The following KCNIP1 variants were observed in gnomAD, a reference collection of about 807,000 sequenced individuals.
The protein encoded by KCNIP1 is potassium voltage-gated channel interacting protein 1.
In KCNIP1, 18 loss-of-function variants were observed where a neutral mutation model predicts 33.0. That is an observed-to-expected ratio of 0.55 (90% CI 0.38 to 0.81). The LOEUF (loss-of-function observed/expected upper bound fraction) is 0.81. Among genes scored for constraint, KCNIP1 ranks in the 30% least tolerant of loss-of-function variants. The pLI is 0.00. For missense variants in KCNIP1, 238 were observed against 271.6 expected (o/e 0.88, Z 0.87); for synonymous variants, 93 against 98.3 (o/e 0.95, Z 0.32).
intron 1 of KCNIP1, among the ~76,000 whole-genome samples, chr5:170,632,062 C>T (rs1043246937): frequency 6.6e-6 from 1 of 152,166 alleles, no homozygotes; most frequent in Non-Finnish European, 1.5e-5. Flanking sequence ...TCTGAGTCCT[C>T]GCCGGCCACA....
At chr5:170,549,304 C>A (rs1756520501) in intron 1 of KCNIP1, among the ~76,000 whole-genome samples, 1 of 152,114 alleles carries the variant, frequency 6.6e-6, no homozygotes, top group South Asian at 2.1e-4. Flanking sequence ...GAGAAAACCT[C>A]CTTCGTTTTT....
At chr5:170,401,828 C>T (rs551111907) in intron 1 of KCNIP1, among the ~76,000 whole-genome samples, 1 of 152,012 alleles carries the variant, frequency 6.6e-6, no homozygotes, top group South Asian at 2.1e-4. Flanking sequence ...CTAGGCCTGG[C>T]ACATGGCTCC....
chr5:170,530,486 G>A (rs983710167), intron 1 of KCNIP1, among the ~76,000 whole-genome samples: 2 of 152,190 alleles, frequency 1.3e-5, no homozygotes, highest in Admixed American at 1.3e-4. Context: ...CAAGGATGGG[G>A]CCCTCTGGCC....
At chr5:170,512,551 T>G (rs1754976000) in intron 1 of KCNIP1, among the ~76,000 whole-genome samples, 1 of 152,260 alleles carries the variant, frequency 6.6e-6, no homozygotes. Context: ...CTGTGAACTT[T>G]CATCTCTACA....
At chr5:170,538,835 C>T (rs901108112) in intron 1 of KCNIP1, among the ~76,000 whole-genome samples, 3 of 151,242 alleles carry the variant, frequency 2.0e-5, no homozygotes, top group Non-Finnish European at 4.4e-5. Flanking sequence ...GGCCTGTGTG[C>T]CTGCAGTCAT....
chr5:170,648,492 C>T (rs187424500), intron 1 of KCNIP1, among the ~76,000 whole-genome samples: 2 of 152,220 alleles, frequency 1.3e-5, no homozygotes, highest in Admixed American at 1.3e-4. Flanking sequence ...CATGGAGGAA[C>T]CGTAAGTGCA....
intron 1 of KCNIP1, among the ~76,000 whole-genome samples, chr5:170,707,074 C>T (rs938224663): frequency 9.2e-5 from 14 of 151,578 alleles, no homozygotes; most frequent in Non-Finnish European, 1.6e-4. Flanking sequence ...CTGAAATACA[C>T]TAGCTGGTGG....
chr5:170,491,340 G>T (rs1171151751), intron 1 of KCNIP1, among the ~76,000 whole-genome samples: 1 of 152,158 alleles, frequency 6.6e-6, no homozygotes, highest in Non-Finnish European at 1.5e-5. Context: ...TGAAAACAAG[G>T]TTACCTAGTG....
rs538996640 is a variant in KCNIP1 at position 170,702,519 on chromosome 5, G to C, written c.62-16239G>C. On this transcript the variant is annotated intron_variant, in intron 1 of 7. Coordinates refer to ENST00000328939, the MANE Select transcript of KCNIP1 (RefSeq NM_014592.4). Reference sequence around the variant, plus strand: ...AGAGCTTGAGGGAGGAAGGAGATGGGGAGGGTACTCTTGAAACTGTTTGGT... The same window carrying C: ...AGAGCTTGAGGGAGGAAGGAGATGGCGAGGGTACTCTTGAAACTGTTTGGT... 3.3e-3 allele frequency among the ~76,000 whole-genome samples: 506 copies of C among 152,278 alleles called. 3 individuals carry two copies. Among genetic ancestry groups the C allele is most frequent in the African/African-American group, 0.012 (484 of 41,550 alleles).
chr5:170,620,182 GAGCC>G (rs1759548838), intron 1 of KCNIP1, among the ~76,000 whole-genome samples: 1 of 152,168 alleles, frequency 6.6e-6, no homozygotes, highest in Non-Finnish European at 1.5e-5. Flanking sequence ...TGTCCCTAGA[GAGCC>G]TTGTAGTGGA....
Position 170,402,421 on chromosome 5 carries a change from T to C in KCNIP1, c.88+48457T>C, listed in dbSNP as rs377686551. Among the ~76,000 whole-genome samples the C allele has an allele frequency of 2.6e-5, 4 of 152,242 alleles. No individual in the cohort carries two copies. The East Asian group carries it at 7.7e-4, about 29-fold the overall frequency. ...GTATTATACAATAACAGGGCATTTC[T>C]AACTCGTGGGAAGTCCAATATGGAT... On this transcript the variant is annotated intron_variant, in intron 1 of 7. Coordinates refer to the KCNIP1 transcript ENST00000377360.
chr5:170,359,455 C>T (rs551850707), intron 1 of KCNIP1, among the ~76,000 whole-genome samples: 1 of 152,278 alleles, frequency 6.6e-6, no homozygotes, highest in African/African-American at 2.4e-5. Context: ...TCAATGCTGC[C>T]CCTTGCTGGG....
chr5:170,538,099 T>C (rs952870948), intron 1 of KCNIP1, among the ~76,000 whole-genome samples: 1 of 152,154 alleles, frequency 6.6e-6, no homozygotes, highest in African/African-American at 2.4e-5. Flanking sequence ...ATTTTAAAGA[T>C]GAGAAAACTG....
Position 170,717,392 on chromosome 5 carries a change from G to T in KCNIP1, c.62-1366G>T, listed in dbSNP as rs111640795. Among the ~76,000 whole-genome samples the T allele has an allele frequency of 3.6e-3, 544 of 152,022 alleles. 2 individuals carry two copies. The highest frequency in any genetic ancestry group is 0.012 in the African/African-American group (500 of 41,460). On this transcript the variant is annotated intron_variant, in intron 1 of 7. Transcript: ENST00000328939. ...AAGAATTATGAATTCTGGGGAAATT[G>T]GCCACTTGTCTCTGTGGCGTAAACA...
chr5:170,526,231 A>G (rs1329168621), intron 1 of KCNIP1, among the ~76,000 whole-genome samples: 1 of 152,226 alleles, frequency 6.6e-6, no homozygotes, highest in Admixed American at 6.5e-5. Context: ...GTGACTGTGA[A>G]GTGAGAAAGC....
intron 5 of KCNIP1, among the ~76,000 whole-genome samples, chr5:170,725,834 A>G (rs1479363392): frequency 1.3e-5 from 2 of 152,158 alleles, no homozygotes; most frequent in African/African-American, 2.4e-5. Flanking sequence ...AATATTTTTT[A>G]AAAATAGAGA....
Position 170,733,736 on chromosome 5 carries a change from C to G in KCNIP1, c.541-100C>G, listed in dbSNP as rs915549430. 7.2e-6 allele frequency: 7 copies of G among 970,092 alleles called. No homozygotes were observed. In the Admixed American group the frequency reaches 1.5e-4, roughly 20 times the overall value. 60.1% of individuals were successfully genotyped at this position (970,092 alleles called of 1,614,324 possible). ...TGGTTAATGAAATGAATGAAATGAGCTCCAGCTCGTTACTCTGAGCTCCAG... is the reference window on the plus strand; with the variant it reads ...TGGTTAATGAAATGAATGAAATGAGGTCCAGCTCGTTACTCTGAGCTCCAG... On this transcript the variant is annotated intron_variant, in intron 6 of 7. Transcript: ENST00000328939.
intron 1 of KCNIP1, among the ~76,000 whole-genome samples, chr5:170,714,549 A>G (rs895433910): frequency 2.0e-5 from 3 of 152,188 alleles, no homozygotes; most frequent in Admixed American, 6.5e-5. Flanking sequence ...AACACAACAT[A>G]CACAATTGTG....
intron 1 of KCNIP1, among the ~76,000 whole-genome samples, chr5:170,483,525 G>A (rs192177175): frequency 1.3e-3 from 192 of 152,270 alleles, no homozygotes; most frequent in Non-Finnish European, 2.3e-3. Context: ...CATAACTTGG[G>A]TAATGCATGT....
Sources: gnomAD v4.1 joint callset for allele counts (sites outside exome capture counted in the v4.1 genomes callset) on GRCh38, gnomAD v4.1.1 for gene constraint, MANE v1.5 for transcripts, NCBI Gene and HGNC (gene_info 2026-07-23, HGNC 2026-07-21) for gene names.